COL25A1: variants seen among roughly 807,000 people sequenced by gnomAD.
COL25A1 encodes collagen alpha-1(XXV) chain.
Under a neutral mutation model 128.4 loss-of-function variants are expected in COL25A1, and 103 were observed. The observed-to-expected ratio is 0.80, with a 90% CI of 0.68 to 0.94. The LOEUF is 0.94. COL25A1 is among the 40% of genes least tolerant of loss of function. The probability of loss-of-function intolerance (pLI) is 0.00; values close to 1 mark genes in which losing one functional copy is unlikely to be tolerated. For synonymous variants in COL25A1, 279 were observed against 277.2 expected (o/e 1.01, Z -0.06); for missense variants, 745 against 840.0 (o/e 0.89, Z 1.40).
At chr4:108,999,602 A>G (rs1755150105) in intron 6 of COL25A1, among the ~76,000 whole-genome samples, 1 of 152,188 alleles carries the variant, frequency 6.6e-6, no homozygotes, top group South Asian at 2.1e-4. Context: ...TTGACCCAGC[A>G]ATCCCATTAC....
At chr4:109,155,696 T>C (rs1272213262) in intron 3 of COL25A1, among the ~76,000 whole-genome samples, 1 of 152,204 alleles carries the variant, frequency 6.6e-6, no homozygotes, top group Non-Finnish European at 1.5e-5. Flanking sequence ...GACTAATCTA[T>C]CATGCATTAT....
At chr4:109,111,780 C>A (rs756897028) in intron 3 of COL25A1, among the ~76,000 whole-genome samples, 2 of 152,068 alleles carry the variant, frequency 1.3e-5, no homozygotes, top group African/African-American at 2.4e-5. Flanking sequence ...CTTTTTTCTC[C>A]CATTAGGCTA....
At chr4:109,013,670 C>T (rs1364681811) in intron 5 of COL25A1, among the ~76,000 whole-genome samples, 1 of 151,920 alleles carries the variant, frequency 6.6e-6, no homozygotes, top group Admixed American at 6.6e-5. Flanking sequence ...GAATGAACAA[C>T]TCCAGACGCG....
At chr4:109,289,280 T>G (rs1389782556) in intron 3 of COL25A1, among the ~76,000 whole-genome samples, 1 of 152,178 alleles carries the variant, frequency 6.6e-6, no homozygotes, top group Non-Finnish European at 1.5e-5. Context: ...CCTTTGTACA[T>G]CTATTTCAAT....
intron 6 of COL25A1, among the ~76,000 whole-genome samples, chr4:109,009,167 G>A (rs1724467): frequency 0.51 from 77,727 of 152,058 alleles, 22,609 homozygotes; most frequent in African/African-American, 0.78. Context: ...GAAACTATGC[G>A]AAGCATCTTT....
intron 3 of COL25A1, among the ~76,000 whole-genome samples, chr4:109,290,947 T>C (rs1214228421): frequency 6.6e-6 from 1 of 152,150 alleles, no homozygotes; most frequent in Non-Finnish European, 1.5e-5. Context: ...TTACTGATAG[T>C]CTTTTTGCAG....
At chr4:108,925,148 A>G (rs1745899120) in intron 11 of COL25A1, among the ~76,000 whole-genome samples, 1 of 152,204 alleles carries the variant, frequency 6.6e-6, no homozygotes, top group African/African-American at 2.4e-5. Context: ...TTTTGTCTAC[A>G]AAATAAGACA....
At chr4:109,037,871 ATAT>A (rs1759507682) in intron 5 of COL25A1, among the ~76,000 whole-genome samples, 2 of 152,182 alleles carry the variant, frequency 1.3e-5, no homozygotes, top group African/African-American at 4.8e-5. Flanking sequence ...TAAATGTATT[ATAT>A]TATTATTAGC....
At chr4:108,942,091 A>G (rs1255968099) in intron 8 of COL25A1, 4 of 926,298 alleles carry the variant, frequency 4.3e-6, no homozygotes, top group Non-Finnish European at 6.7e-6. Flanking sequence ...AGTGCCCAGT[A>G]ACTTGATATA....
chr4:108,862,140 T>C (rs1467078109), intron 22 of COL25A1, among the ~76,000 whole-genome samples: 1 of 152,116 alleles, frequency 6.6e-6, no homozygotes, highest in Non-Finnish European at 1.5e-5. Flanking sequence ...AAAAGCAGAG[T>C]ATAATTCGAG....
chr4:109,286,244 T>C (rs1214218447), intron 3 of COL25A1, among the ~76,000 whole-genome samples: 3 of 152,354 alleles, frequency 2.0e-5, no homozygotes, highest in Middle Eastern at 3.4e-3. Flanking sequence ...TTTTGCATTT[T>C]TGTTATATGC....
rs562252647 is a variant in COL25A1, at chr4:109,047,837, A to G, written c.420+331T>C. 1.2e-3 allele frequency among the ~76,000 whole-genome samples: 182 copies of G among 146,014 alleles called. 2 individuals are homozygous for G. In the Middle Eastern group the frequency reaches 0.018, roughly 14 times the overall value. On this transcript the variant is annotated intron_variant, in intron 5 of 37. Coordinates refer to ENST00000399132, the MANE Select transcript of COL25A1 (RefSeq NM_198721.4). ...AAGCTCCACCTCCCGGGTTCACGCC[A>G]TTCTCCTGCCTCAGCCGCCCGAGTA...
intron 3 of COL25A1, among the ~76,000 whole-genome samples, chr4:109,158,723 C>G (rs1772266912): frequency 6.6e-6 from 1 of 152,146 alleles, no homozygotes; most frequent in Admixed American, 6.5e-5. Flanking sequence ...TTGCAGGGAA[C>G]AAGCTTGAGA....
intron 3 of COL25A1, among the ~76,000 whole-genome samples, chr4:109,093,550 T>A (rs374660100): frequency 6.6e-6 from 1 of 151,678 alleles, no homozygotes; most frequent in Non-Finnish European, 1.5e-5. Flanking sequence ...GGTGAGAGGA[T>A]TGCCTGAGCC....
chr4:108,875,133 T>C (rs1700596788), intron 19 of COL25A1, among the ~76,000 whole-genome samples: 2 of 152,100 alleles, frequency 1.3e-5, no homozygotes, highest in African/African-American at 4.8e-5. Flanking sequence ...GCTTGCAAAG[T>C]TAGTGCCTAA....
At chr4:108,951,380 C>CT (rs869043769) in intron 8 of COL25A1, among the ~76,000 whole-genome samples, 112 of 148,576 alleles carry the variant, frequency 7.5e-4, no homozygotes, top group Non-Finnish European at 1.4e-3. Flanking sequence ...TTTTTAGAAA[C>CT]TTTTTTTTTC....
At chr4:109,028,787 A>G (rs1227170381) in intron 5 of COL25A1, among the ~76,000 whole-genome samples, 1 of 152,120 alleles carries the variant, frequency 6.6e-6, no homozygotes, top group Non-Finnish European at 1.5e-5. Context: ...GCAAGGGAGG[A>G]GTGGTGAGTA....
At chr4:109,209,748 C>A (rs77616646) in intron 3 of COL25A1, among the ~76,000 whole-genome samples, 3 of 152,058 alleles carry the variant, frequency 2.0e-5, no homozygotes, top group African/African-American at 7.2e-5. Flanking sequence ...ATTGGAAATA[C>A]TTGCTCTCAA....
At chr4:108,920,938 T>A in intron 11 of COL25A1, 1 of 198,666 alleles carries the variant, frequency 5.0e-6, no homozygotes, top group Non-Finnish European at 1.0e-5. Flanking sequence ...GAAGATATAG[T>A]CCCTAGAAGC....
Sources: allele counts gnomAD v4.1 joint callset (sites outside exome capture counted in the v4.1 genomes callset), GRCh38; gene constraint gnomAD v4.1.1; transcripts MANE v1.5; gene names NCBI Gene and HGNC (gene_info 2026-07-23, HGNC 2026-07-21).